Variants in LIPI observed in about 807,000 individuals in gnomAD.
LIPI encodes the protein lipase member I.
In LIPI, 59 loss-of-function variants were observed where a neutral mutation model predicts 50.6. That is an observed-to-expected ratio of 1.16 (90% CI 0.94 to 1.45). The LOEUF is 1.45. Ranked by LOEUF, LIPI falls within the 40% of genes most tolerant of loss-of-function variation. The pLI is 0.00. For synonymous variants in LIPI, 203 were observed against 178.2 expected, an observed-to-expected ratio of 1.14 and a Z score of -1.11; for missense variants, 586 against 536.3, an observed-to-expected ratio of 1.09 and a Z score of -0.92.
At chr21:14,155,375 T>G (rs1439707992) in intron 7 of LIPI, among the ~76,000 whole-genome samples, 1 of 151,922 alleles carries the variant, frequency 6.6e-6, no homozygotes, top group Non-Finnish European at 1.5e-5. Context: ...TTTCTGCTAT[T>G]AGAGTGTCAG....
intron 8 of LIPI, among the ~76,000 whole-genome samples, chr21:14,148,540 T>C (rs1250268551): frequency 6.6e-6 from 1 of 152,172 alleles, no homozygotes; most frequent in Non-Finnish European, 1.5e-5. Flanking sequence ...TATTTTTACA[T>C]AGACAAATAT....
chr21:14,183,888 C>T (rs1324212818), intron 3 of LIPI, among the ~76,000 whole-genome samples: 2 of 152,188 alleles, frequency 1.3e-5, no homozygotes, highest in African/African-American at 4.8e-5. Context: ...GGACTGTAAA[C>T]TAGTTCAACC....
chr21:14,123,256 G>C (rs2016931867), intron 9 of LIPI, among the ~76,000 whole-genome samples: 2 of 152,200 alleles, frequency 1.3e-5, no homozygotes, highest in African/African-American at 2.4e-5. Flanking sequence ...ATTTTGAAGA[G>C]TCTAAGAACA....
intron 3 of LIPI, 142 bp downstream of exon 3, chr21:14,185,819 G>A: frequency 3.4e-6 from 2 of 586,016 alleles, no homozygotes; most frequent in Non-Finnish European, 6.1e-6. Context: ...CGAAGCAGAG[G>A]TTGCAGTGAG....
At chr21:14,115,347 C>T (rs2016586317) in intron 9 of LIPI, among the ~76,000 whole-genome samples, 1 of 152,180 alleles carries the variant, frequency 6.6e-6, no homozygotes, top group Admixed American at 6.5e-5. Context: ...TTTTTTCTCG[C>T]TTCTGTAAGT....
intron 3 of LIPI, 33 bp downstream of exon 3, chr21:14,185,928 G>T (rs1393247187): frequency 3.3e-6 from 4 of 1,194,682 alleles, no homozygotes; most frequent in Non-Finnish European, 4.9e-6. Context: ...TTAAAAGTAT[G>T]CTAAAGCAAT....
intron 9 of LIPI, among the ~76,000 whole-genome samples, chr21:14,111,991 G>A (rs556156274): frequency 7.2e-4 from 110 of 151,970 alleles, no homozygotes; most frequent in African/African-American, 2.4e-3. Context: ...TTTTCAATTC[G>A]CATCCCTCTC....
At chr21:14,149,579 C>A (rs1391000349) in intron 8 of LIPI, among the ~76,000 whole-genome samples, 1 of 152,092 alleles carries the variant, frequency 6.6e-6, no homozygotes, top group Non-Finnish European at 1.5e-5. Flanking sequence ...TAGTCCCTTC[C>A]ACCTATGAGC....
At chr21:14,194,761 C>T (rs923383190) in intron 1 of LIPI, among the ~76,000 whole-genome samples, 1 of 152,102 alleles carries the variant, frequency 6.6e-6, no homozygotes, top group South Asian at 2.1e-4. Flanking sequence ...TGACAGTGTG[C>T]ATGCAGTTAA....
chr21:14,149,293 TACTC>T (rs1568850195), intron 8 of LIPI, among the ~76,000 whole-genome samples: 1 of 152,106 alleles, frequency 6.6e-6, no homozygotes, highest in African/African-American at 2.4e-5. Context: ...CTTGAGAACT[TACTC>T]TCTATCAAGA....
intron 1 of LIPI, 39 bp from the exon 2 acceptor site, chr21:14,189,458 T>A (rs1313036760): frequency 6.3e-7 from 1 of 1,576,666 alleles, no homozygotes. Context: ...AGTACTGGGA[T>A]AGTATTTTAT....
intron 9 of LIPI, among the ~76,000 whole-genome samples, chr21:14,130,616 C>G (rs572597713): frequency 6.6e-6 from 1 of 152,222 alleles, no homozygotes; most frequent in Non-Finnish European, 1.5e-5. Flanking sequence ...AAGCCCACAC[C>G]TAGCATCATT....
At chr21:14,120,128 A>T (rs1296863364) in intron 9 of LIPI, among the ~76,000 whole-genome samples, 2 of 152,186 alleles carry the variant, frequency 1.3e-5, no homozygotes, top group African/African-American at 4.8e-5. Context: ...GAAACAGTGG[A>T]TGAAGTCTTT....
At chr21:14,133,434 G>A (rs555311263) in intron 9 of LIPI, among the ~76,000 whole-genome samples, 62 of 152,156 alleles carry the variant, frequency 4.1e-4, no homozygotes, top group African/African-American at 1.1e-3. Context: ...ATCTTTTCAC[G>A]AGAAAAATTC....
chr21:14,178,459 C>G (rs1463221788), intron 4 of LIPI, among the ~76,000 whole-genome samples: 2 of 152,160 alleles, frequency 1.3e-5, no homozygotes, highest in African/African-American at 4.8e-5. Context: ...CTCACTCTCT[C>G]TTTACCTATT....
intron 4 of LIPI, among the ~76,000 whole-genome samples, chr21:14,168,220 G>C (rs939060671): frequency 6.6e-6 from 1 of 152,200 alleles, no homozygotes; most frequent in African/African-American, 2.4e-5. Context: ...TATGTGAAAA[G>C]ACCAAATCTA....
intron 9 of LIPI, among the ~76,000 whole-genome samples, chr21:14,123,399 A>T (rs2016937004): frequency 6.6e-6 from 1 of 152,196 alleles, no homozygotes; most frequent in South Asian, 2.1e-4. Flanking sequence ...TCAGGACTAT[A>T]TTGGATCTGT....
chr21:14,143,802 A>G (rs1209313118), intron 9 of LIPI: 2 of 152,832 alleles, frequency 1.3e-5, no homozygotes, highest in African/African-American at 4.8e-5. Context: ...AAACATGTAC[A>G]TCTATATCAT....
intron 2 of LIPI, among the ~76,000 whole-genome samples, chr21:14,187,409 A>G (rs2019494060): frequency 6.6e-6 from 1 of 152,140 alleles, no homozygotes; most frequent in Admixed American, 6.6e-5. Flanking sequence ...TTTTCTTCAG[A>G]TTTCTCACAG....
Sources: allele counts gnomAD v4.1 joint callset (sites outside exome capture counted in the v4.1 genomes callset), GRCh38; gene constraint gnomAD v4.1.1; transcripts MANE v1.5; gene names NCBI Gene and HGNC (gene_info 2026-07-23, HGNC 2026-07-21).